MUC3A: variants seen among roughly 807,000 people sequenced by gnomAD.
The protein encoded by MUC3A is mucin 3A, cell surface associated.
A neutral mutation model predicts 109.0 loss-of-function variants in MUC3A; 109 were observed. The observed-to-expected ratio is 1.00, with a 90% CI of 0.86 to 1.17. The LOEUF is 1.17. Ranked by LOEUF, MUC3A falls within the 50% of genes most tolerant of loss-of-function variation. MUC3A has a pLI of 0.00. For synonymous variants in MUC3A, 1,398 were observed against 981.4 expected (o/e 1.42, Z -7.93); for missense variants, 3,537 against 2,469.4 (o/e 1.43, Z -9.16).
In MUC3A at chr7:100,960,957, C is replaced by T. The variant is rs1475625248; in HGVS notation, c.9052+20C>T. 2.6e-5 allele frequency: 42 copies of T among 1,598,376 alleles called. No individual in the cohort carries two copies. The highest frequency in any genetic ancestry group is 6.7e-5 in the East Asian group (3 of 44,900). ...ATCTAGGTGAGTTGCCAGAGCTATG[C>T]CTTCTGCACTTCCTCCCACAGGGTG... On this transcript the variant is annotated intron_variant, in intron 3 of 11. Transcript: ENST00000379458.
rs1792292159 is a variant in MUC3A at position 100,960,586 on chromosome 7, G to GCT, written c.8808_8809insTC (p.Arg2937SerfsTer10). On this transcript the variant is annotated frameshift_variant, in exon 2 of 12. Coordinates refer to ENST00000379458, the MANE Select transcript of MUC3A (RefSeq NM_005960.2). LOFTEE classifies it high-confidence loss of function. Reference sequence around the variant, plus strand: ...CAGACTCCTACCACCCTTACATCACGCAGGACAACTCGCATCACTTCTCAG... The same window carrying GCT: ...CAGACTCCTACCACCCTTACATCACGCTCAGGACAACTCGCATCACTTCTCAG... 3.8e-6 allele frequency: 6 copies of GCT among 1,598,580 alleles called. No individual in the cohort carries two copies. Among genetic ancestry groups the GCT allele is most frequent in the African/African-American group, 1.3e-5 (1 of 74,952 alleles).
At position 100,952,896 on chromosome 7, in the gene MUC3A, T is replaced by C. The variant is rs1004860356; in HGVS notation, c.1117T>C (p.Ser373Pro). Residue 373 changes from serine (S) to proline (P), a missense_variant, in exon 2 of 12, where the codon TCT becomes CCT. Physicochemically the swap from Ser to Pro is moderately conservative, Grantham distance 74 (BLOSUM62 -1). Transcript: ENST00000379458. ...TETSLPPTSS[S>P]LPTTETATTP... is the part of the protein sequence containing the mutation. ...GACTTCTCTCCCACCCACCTCTTCC[T>C]CTCTCCCAACCACAGAAACAGCCAC... is the stretch of plus-strand genomic sequence containing the variant. The C allele has an allele frequency of 1.3e-6, 2 of 1,573,284 alleles. No homozygotes were observed. The highest frequency in any genetic ancestry group is 1.7e-6 in the Non-Finnish European group (2 of 1,166,992).
rs1339890196 is a variant in MUC3A, at chr7:100,955,218, A to G, written c.3439A>G (p.Thr1147Ala). 22 of 734,332 alleles carry G rather than the reference A, an allele frequency of 3.0e-5. No individual in the cohort carries two copies. In the African/African-American group the frequency reaches 3.8e-4, roughly 13 times the overall value. 45.5% of individuals were successfully genotyped at this position (734,332 alleles called of 1,614,324 possible). The change falls in exon 2 of 12, where the codon ACC becomes GCC. Residue 1147 changes from threonine to alanine, a missense_variant. Physicochemically the swap from Thr to Ala is moderately conservative, Grantham distance 58. Coordinates refer to ENST00000379458, the MANE Select transcript of MUC3A (RefSeq NM_005960.2). ...TTLITTTPNTTSLSTPSFTSS... is the reference protein window; with the variant it reads ...TTLITTTPNTASLSTPSFTSS... ...CTTGATAACCACCACCCCTAATACC[A>G]CCTCCCTTAGTACCCCCAGCTTCAC...
Position 100,953,176 on chromosome 7 carries a change from C to T in MUC3A, c.1397C>T (p.Thr466Ile). Residue 466 changes from threonine to isoleucine, a missense_variant, in exon 2 of 12, where the codon ACA becomes ATA. Coordinates refer to ENST00000379458, the MANE Select transcript of MUC3A (RefSeq NM_005960.2). ...VGSTGFLTTATDLTSTFTVSS... is the reference protein window; with the variant it reads ...VGSTGFLTTAIDLTSTFTVSS... ...TCTACCGGTTTCCTGACTACAGCAA[C>T]AGACCTCACATCAACATTCACGGTT... 1 of 619,872 alleles carries T rather than the reference C, an allele frequency of 1.6e-6. No individual in the cohort carries two copies. The highest frequency in any genetic ancestry group is 2.8e-6 in the Non-Finnish European group (1 of 350,918). 38.4% of individuals were successfully genotyped at this position (619,872 alleles called of 1,614,324 possible). A position where few individuals can be genotyped will look rare whatever the true frequency, so the allele number is the denominator to read the frequency against.
At chr7:100,964,560 ATGC>A in intron 5 of MUC3A, 132 bp from the exon 6 acceptor site, 3 of 1,387,572 alleles carry the variant, frequency 2.2e-6, no homozygotes, top group South Asian at 1.6e-5. Flanking sequence ...TCTGAAAAGG[ATGC>A]ACGTGGCATC....
rs766851186 is a variant in MUC3A at position 100,959,958 on chromosome 7, A to G, written c.8179A>G (p.Ile2727Val). 28 of 1,509,872 alleles carry G rather than the reference A, an allele frequency of 1.9e-5. No individual in the cohort carries two copies. Among genetic ancestry groups the G allele is most frequent in the South Asian group, 4.0e-5 (3 of 74,820 alleles). The allele number at this position is 1,509,872 out of a possible 1,614,324, so 93.5% of individuals were successfully genotyped here. Residue 2727 changes from isoleucine (I) to valine (V), a missense_variant, in exon 2 of 12, where the codon ATC becomes GTC. Coordinates refer to ENST00000379458, the MANE Select transcript of MUC3A (RefSeq NM_005960.2). The stretch of plus-strand genomic sequence containing the variant: ...TACAGAAAATGTGGGCTCCGCTTCT[A>G]TCACAGGCTTTCCTAGTCTCTCTTC... ...FSTENVGSAS[I>V]TGFPSLSSSA...
At chr7:100,963,563 G>A in intron 4 of MUC3A, 125 bp from the exon 5 acceptor site, 1 of 1,443,176 alleles carries the variant, frequency 6.9e-7, no homozygotes, top group Non-Finnish European at 9.5e-7. Flanking sequence ...GGGATTACAG[G>A]CGTGAGCCAC....
chr7:100,960,088 C>A lies in MUC3A; in HGVS notation c.8309C>A (p.Pro2770Gln), dbSNP rs747725159. ...YISLPSTTPC[P>Q]GTITITIVPA... is the part of the protein sequence containing the mutation. ...TCCCTTCCCTCCACCACACCCTGTC[C>A]AGGAACTATAACAATTACCATAGTC... is the stretch of plus-strand genomic sequence containing the variant. The change falls in exon 2 of 12, where the codon CCA (proline) becomes CAA (glutamine). Residue 2770 changes from proline to glutamine, a missense_variant. By Grantham distance (76) the Pro-to-Gln change is moderately conservative. Transcript: ENST00000379458. 1 of 1,521,916 alleles carries A rather than the reference C, an allele frequency of 6.6e-7. No homozygotes were observed. The highest frequency in any genetic ancestry group is 2.1e-5 in the Admixed American group (1 of 48,596). 94.3% of individuals were successfully genotyped at this position (1,521,916 alleles called of 1,614,324 possible).
chr7:100,958,760 G>T lies in MUC3A; in HGVS notation c.6981G>T (p.Ser2327=), dbSNP rs111579886. 3.7e-6 allele frequency: 3 copies of T among 800,274 alleles called. No individual in the cohort carries two copies. The African/African-American group carries it at 1.8e-4, about 49-fold the overall frequency. The allele number at this position is 800,274 out of a possible 1,614,324, so 49.6% of individuals were successfully genotyped here. ...TSHSAHSFTS[S]ITTTETTSHN... Reference sequence around the variant, plus strand: ...ACAGTGCTCACAGCTTCACTTCTTCGATCACCACCACCGAGACCACCTCAC... The same window carrying T: ...ACAGTGCTCACAGCTTCACTTCTTCTATCACCACCACCGAGACCACCTCAC... Residue 2327 remains serine, a synonymous_variant, in exon 2 of 12, where the codon TCG becomes TCT. Transcript: ENST00000379458.
intron 1 of MUC3A, 56 bp downstream of exon 1, chr7:100,949,741 G>T: frequency 6.9e-7 from 1 of 1,444,116 alleles, no homozygotes. Flanking sequence ...GATGTTCCAG[G>T]AAAGGGGAGG....
intron 3 of MUC3A, 123 bp from the exon 4 acceptor site, chr7:100,963,028 C>A: frequency 9.3e-7 from 1 of 1,070,858 alleles, no homozygotes; most frequent in Non-Finnish European, 1.4e-6. Context: ...TGCCTCTGGG[C>A]ATCAGTCCTC....
At chr7:100,965,590 A>C in intron 7 of MUC3A, 114 bp from the exon 8 acceptor site, 1 of 1,510,522 alleles carries the variant, frequency 6.6e-7, no homozygotes, top group Non-Finnish European at 8.8e-7. Flanking sequence ...ACCCCACAGC[A>C]TCCCACCTCG....
chr7:100,963,039 AG>A, intron 3 of MUC3A, 111 bp from the exon 4 acceptor site: 2 of 1,225,726 alleles, frequency 1.6e-6, no homozygotes, highest in Non-Finnish European at 2.3e-6. Flanking sequence ...ATCAGTCCTC[AG>A]GGATCTTGGA....
Position 100,958,135 on chromosome 7 carries a change from T to G in MUC3A, c.6356T>G (p.Met2119Arg), listed in dbSNP as rs1326235128. The G allele has an allele frequency of 7.0e-4, 374 of 537,010 alleles. No individual in the cohort carries two copies. Among genetic ancestry groups the G allele is most frequent in the African/African-American group, 2.0e-3 (83 of 41,474 alleles). 33.3% of individuals were successfully genotyped at this position (537,010 alleles called of 1,614,324 possible). Residue 2119 changes from methionine to arginine, a missense_variant, in exon 2 of 12, where the codon ATG becomes AGG. Coordinates refer to ENST00000379458, the MANE Select transcript of MUC3A (RefSeq NM_005960.2). ...SFTSSITTSE[M>R]PSHSTPSFTS... Reference sequence around the variant, plus strand: ...ACTTCCTCAATCACCACCTCTGAGATGCCCTCACACAGTACTCCCAGCTTC... The same window carrying G: ...ACTTCCTCAATCACCACCTCTGAGAGGCCCTCACACAGTACTCCCAGCTTC...
rs760581857 is a variant in MUC3A, at chr7:100,960,845, A to T, written c.8960A>T (p.Gln2987Leu). The T allele has an allele frequency of 6.3e-7, 1 of 1,598,408 alleles. No homozygotes were observed. The highest frequency in any genetic ancestry group is 8.5e-7 in the Non-Finnish European group (1 of 1,179,816). The change falls in exon 3 of 12, where the codon CAG (glutamine) becomes CTG (leucine). Residue 2987 changes from glutamine to leucine, a missense_variant. By Grantham distance (113) the Gln-to-Leu change is moderately radical. Transcript: ENST00000379458. ...CGCTGTCAGCTCCAGACCAGATGCC[A>T]GAATGGGGGTCAGTGGGATGGCCTC... The part of the protein sequence containing the change: ...GDRCQLQTRC[Q>L]NGGQWDGLKC...
At position 100,959,302 on chromosome 7, in the gene MUC3A, A is replaced by G. The variant is rs1233069854; in HGVS notation, c.7523A>G (p.Asp2508Gly). Residue 2508 changes from aspartate (D) to glycine (G), a missense_variant, in exon 2 of 12, where the codon GAC (aspartate) becomes GGC (glycine). Transcript: ENST00000379458. ...AGCACTTCATTGACTACAACCACAG[A>G]CTTTCCCTCTATACCCACTGATATC... The part of the protein sequence containing the change: ...GTSTSLTTTT[D>G]FPSIPTDIST... 8 of 1,583,086 alleles carry G rather than the reference A, an allele frequency of 5.1e-6. No individual in the cohort carries two copies. The highest frequency in any genetic ancestry group is 6.8e-6 in the Non-Finnish European group (8 of 1,171,682).
Position 100,955,615 on chromosome 7 carries a change from C to CAA in MUC3A, c.3836_3837insAA (p.Thr1280ArgfsTer65), listed in dbSNP as rs1792077077. 14 of 429,068 alleles carry CAA rather than the reference C, an allele frequency of 3.3e-5. No homozygotes were observed. Among genetic ancestry groups the CAA allele is most frequent in the African/African-American group, 7.2e-5 (3 of 41,798 alleles). The allele number at this position is 429,068 out of a possible 1,614,324, so 26.6% of individuals were successfully genotyped here. ...AGCACTCTAACAAGTTCCCTCCTGA[C>CAA]GACCTTCCCAAGTACATATTCATTT... is the stretch of plus-strand genomic sequence containing the variant. On this transcript the variant is annotated frameshift_variant, in exon 2 of 12. Coordinates refer to ENST00000379458, the MANE Select transcript of MUC3A (RefSeq NM_005960.2). LOFTEE classifies it high-confidence loss of function.
Position 100,955,853 on chromosome 7 carries a change from C to A in MUC3A, c.4074C>A (p.Ala1358=). The A allele has an allele frequency of 2.1e-6, 1 of 473,718 alleles. No individual in the cohort carries two copies. The highest frequency in any genetic ancestry group is 3.7e-6 in the Non-Finnish European group (1 of 270,814). 29.3% of individuals were successfully genotyped at this position (473,718 alleles called of 1,614,324 possible). Residue 1358 remains alanine, a synonymous_variant, in exon 2 of 12, where the codon GCC becomes GCA. Transcript: ENST00000379458. ...AGACCACCTTCCCCAGCTCTACAGCCACATTCCTTGAGACCACCACACTGA... is the reference window on the plus strand; with the variant it reads ...AGACCACCTTCCCCAGCTCTACAGCAACATTCCTTGAGACCACCACACTGA... ...TGQTTFPSST[A]TFLETTTLTP...
At position 100,960,569 on chromosome 7, in the gene MUC3A, T is replaced by C. The variant is rs2116203756; in HGVS notation, c.8790T>C (p.Pro2930=). 4.4e-6 allele frequency: 7 copies of C among 1,598,736 alleles called. No homozygotes were observed. Among genetic ancestry groups the C allele is most frequent in the Middle Eastern group, 1.7e-4 (1 of 6,060 alleles). ...CACCAGTGGCCACTACCCAGACTCCTACCACCCTTACATCACGCAGGACAA... is the reference window on the plus strand; with the variant it reads ...CACCAGTGGCCACTACCCAGACTCCCACCACCCTTACATCACGCAGGACAA... ...SETPVATTQT[P]TTLTSRRTTR... is the part of the protein sequence containing the mutation. Residue 2930 remains proline (P), a synonymous_variant, in exon 2 of 12, where the codon CCT becomes CCC. Transcript: ENST00000379458.
Sources: allele counts gnomAD v4.1 joint callset, GRCh38; gene constraint gnomAD v4.1.1; transcripts MANE v1.5; gene names NCBI Gene and HGNC (gene_info 2026-07-23, HGNC 2026-07-21).